The following CSMD1 variants were observed in gnomAD, a reference collection of about 807,000 sequenced individuals.
CSMD1 encodes CUB and sushi domain-containing protein 1.
CSMD1 carries 213 observed loss-of-function variants against 417.5 expected under a neutral mutation model. The ratio of observed to expected loss-of-function variants is 0.51; its 90% CI spans 0.46 to 0.57. CSMD1 has a LOEUF of 0.57. CSMD1 is among the 20% of genes least tolerant of loss of function. The probability of loss-of-function intolerance (pLI) is 0.00; values close to 1 mark genes in which losing one functional copy is unlikely to be tolerated. For missense variants in CSMD1, 6,923 were observed against 4,529.7 expected (o/e 1.53, Z -15.17); for synonymous variants, 2,862 against 1,736.8 (o/e 1.65, Z -16.11).
At chr8:4,272,300 T>G (rs1020733816) in intron 3 of CSMD1, among the ~76,000 whole-genome samples, 2 of 152,194 alleles carry the variant, frequency 1.3e-5, no homozygotes, top group Admixed American at 1.3e-4. Flanking sequence ...AACATTTTTT[T>G]CCTTGCCAAT....
At chr8:3,116,319 A>G (rs6998758) in intron 42 of CSMD1, among the ~76,000 whole-genome samples, 39,890 of 152,108 alleles carry the variant, frequency 0.26, 8,676 homozygotes, top group African/African-American at 0.59. Context: ...TAGAAATATA[A>G]TAGTAAAAAT....
intron 5 of CSMD1, among the ~76,000 whole-genome samples, chr8:3,853,383 G>A (rs1443816068): frequency 6.6e-6 from 1 of 152,088 alleles, no homozygotes; most frequent in Non-Finnish European, 1.5e-5. Context: ...GTAATGTAAT[G>A]CATTGGTATA....
At chr8:4,212,173 T>C (rs1800351742) in intron 3 of CSMD1, among the ~76,000 whole-genome samples, 1 of 141,964 alleles carries the variant, frequency 7.0e-6, no homozygotes, top group Admixed American at 6.9e-5. Context: ...CACTTCCCTA[T>C]TTATATATAT....
intron 4 of CSMD1, among the ~76,000 whole-genome samples, chr8:4,026,170 C>G (rs967539465): frequency 6.6e-6 from 1 of 152,108 alleles, no homozygotes; most frequent in African/African-American, 2.4e-5. Flanking sequence ...TACACATTTA[C>G]AAGAATTAGA....
At chr8:4,602,233 T>C (rs13257897) in intron 2 of CSMD1, among the ~76,000 whole-genome samples, 2 of 151,948 alleles carry the variant, frequency 1.3e-5, no homozygotes, top group African/African-American at 2.4e-5. Flanking sequence ...AAAATTGATG[T>C]TGTTGGGAGT....
At chr8:4,293,651 T>C (rs1388353033) in intron 3 of CSMD1, among the ~76,000 whole-genome samples, 5 of 152,178 alleles carry the variant, frequency 3.3e-5, no homozygotes, top group Non-Finnish European at 7.3e-5. Context: ...CAGCAGTCTC[T>C]TATAAACCAC....
chr8:3,164,600 T>C (rs1820098693), intron 37 of CSMD1, among the ~76,000 whole-genome samples: 1 of 152,174 alleles, frequency 6.6e-6, no homozygotes, highest in South Asian at 2.1e-4. Context: ...AGTTTTTTAT[T>C]TCCCCCTGAA....
At chr8:4,959,870 T>C (rs887386688) in intron 1 of CSMD1, among the ~76,000 whole-genome samples, 1 of 152,234 alleles carries the variant, frequency 6.6e-6, no homozygotes, top group Non-Finnish European at 1.5e-5. Context: ...AGTGTCTCAA[T>C]GAGGTGAACT....
chr8:3,870,600 A>C lies in CSMD1; in HGVS notation c.819-116558T>G, dbSNP rs182274797. Among the ~76,000 whole-genome samples the C allele has an allele frequency of 2.8e-4, 42 of 151,906 alleles. No individual in the cohort carries two copies. In the East Asian group the frequency reaches 7.7e-3, roughly 28 times the overall value. ...TGTAACAGAGGATCTCTTTCCCCAAACTCTTCCAATATGTTTATGAATCTT... is the reference window on the plus strand; with the variant it reads ...TGTAACAGAGGATCTCTTTCCCCAACCTCTTCCAATATGTTTATGAATCTT... On this transcript the variant is annotated intron_variant, in intron 5 of 69. Transcript: ENST00000635120.
intron 2 of CSMD1, among the ~76,000 whole-genome samples, chr8:4,507,522 G>A: frequency 6.6e-6 from 1 of 152,142 alleles, no homozygotes; most frequent in East Asian, 1.9e-4. Context: ...ATGATTTTTA[G>A]GGGAGAAAAT....
intron 2 of CSMD1, among the ~76,000 whole-genome samples, chr8:4,423,537 A>G (rs988874491): frequency 2.2e-4 from 34 of 152,084 alleles, no homozygotes; most frequent in African/African-American, 7.0e-4. Context: ...ACACTGAAGA[A>G]AAAGTTCAAA....
At chr8:3,585,097 G>A (rs934388860) in intron 9 of CSMD1, among the ~76,000 whole-genome samples, 5 of 152,012 alleles carry the variant, frequency 3.3e-5, no homozygotes, top group Non-Finnish European at 1.5e-5. Flanking sequence ...GGCGGGTCCT[G>A]CAAAGCTGTA....
At chr8:3,787,103 G>T (rs540757719) in intron 5 of CSMD1, among the ~76,000 whole-genome samples, 1 of 151,998 alleles carries the variant, frequency 6.6e-6, no homozygotes. Flanking sequence ...AAGCTTTATG[G>T]TAACAACATA....
intron 3 of CSMD1, among the ~76,000 whole-genome samples, chr8:4,291,474 T>TA (rs765546443): frequency 1.7e-4 from 26 of 152,194 alleles, no homozygotes; most frequent in Non-Finnish European, 3.2e-4. Context: ...TTTTCTTTTT[T>TA]ATCTACTAAT....
At chr8:4,204,526 C>A (rs1186248602) in intron 3 of CSMD1, among the ~76,000 whole-genome samples, 3 of 152,148 alleles carry the variant, frequency 2.0e-5, no homozygotes, top group South Asian at 2.1e-4. Context: ...TATTTCCTCA[C>A]CTTTCAAAGT....
intron 5 of CSMD1, among the ~76,000 whole-genome samples, chr8:3,794,716 A>G (rs1185989896): frequency 1.3e-5 from 2 of 151,922 alleles, no homozygotes; most frequent in Non-Finnish European, 2.9e-5. Context: ...ACCTAGCAAA[A>G]CTCCTCCGAT....
chr8:3,695,723 T>C (rs1375260873), intron 7 of CSMD1, among the ~76,000 whole-genome samples: 5 of 152,198 alleles, frequency 3.3e-5, no homozygotes, highest in African/African-American at 4.8e-5. Flanking sequence ...GCAGTTTGGC[T>C]GGAAGGAAGG....
chr8:4,533,296 C>T (rs1796932435), intron 2 of CSMD1, among the ~76,000 whole-genome samples: 1 of 152,124 alleles, frequency 6.6e-6, no homozygotes, highest in Non-Finnish European at 1.5e-5. Context: ...GCTGAGGAAG[C>T]CAAGTTGTCA....
chr8:4,202,682 G>C (rs1799730001), intron 3 of CSMD1, among the ~76,000 whole-genome samples: 2 of 152,168 alleles, frequency 1.3e-5, no homozygotes, highest in Admixed American at 6.5e-5. Flanking sequence ...AAAACTTTCA[G>C]TGAAAGAGGG....
Sources: allele counts gnomAD v4.1 joint callset (sites outside exome capture counted in the v4.1 genomes callset), GRCh38; gene constraint gnomAD v4.1.1; transcripts MANE v1.5; gene names NCBI Gene and HGNC (gene_info 2026-07-23, HGNC 2026-07-21).